Variants in MMADHC observed in about 807,000 individuals in gnomAD.
The protein encoded by MMADHC is metabolism of cobalamin associated D.
Under a neutral mutation model 36.3 loss-of-function variants are expected in MMADHC, and 23 were observed. The ratio of observed to expected loss-of-function variants is 0.63; its 90% CI spans 0.46 to 0.90. The LOEUF (loss-of-function observed/expected upper bound fraction) is 0.90, where lower values mean the gene tolerates loss of function less well. Among genes scored for constraint, MMADHC ranks in the 40% least tolerant of loss-of-function variants. The pLI, the probability that MMADHC is intolerant of heterozygous loss-of-function variation, is 0.00. For missense variants in MMADHC, 330 were observed against 348.0 expected, an observed-to-expected ratio of 0.95 and a Z score of 0.41; for synonymous variants, 97 against 116.1, an observed-to-expected ratio of 0.84 and a Z score of 1.06.
chr2:149,583,360 T>C (rs1265848739), intron 2 of MMADHC, among the ~76,000 whole-genome samples: 1 of 152,064 alleles, frequency 6.6e-6, no homozygotes, highest in African/African-American at 2.4e-5. Flanking sequence ...AATAAAGACA[T>C]ATTTCAAAGA....
intron 2 of MMADHC, among the ~76,000 whole-genome samples, chr2:149,584,907 G>T (rs1682844023): frequency 6.6e-6 from 1 of 151,942 alleles, no homozygotes; most frequent in East Asian, 1.9e-4. Flanking sequence ...GCCGGGCATC[G>T]TGGCAAGTGC....
intron 6 of MMADHC, among the ~76,000 whole-genome samples, chr2:149,574,946 C>T (rs374943311): frequency 4.6e-5 from 7 of 152,184 alleles, no homozygotes; most frequent in East Asian, 1.9e-4. Flanking sequence ...ACTACAGGTG[C>T]GCACCACTAA....
intron 2 of MMADHC, among the ~76,000 whole-genome samples, chr2:149,584,029 T>C (rs1682829341): frequency 6.6e-6 from 1 of 152,140 alleles, no homozygotes; most frequent in South Asian, 2.1e-4. Context: ...AACCTGAAAA[T>C]TTAGGCTGCC....
At chr2:149,578,986 C>CTT (rs1210920381) in intron 4 of MMADHC, among the ~76,000 whole-genome samples, 2,096 of 138,508 alleles carry the variant, frequency 0.015, 27 homozygotes, top group African/African-American at 0.018. Flanking sequence ...AAACTGGTTC[C>CTT]TTTTTTTTTT....
rs56118792 is a variant in MMADHC at position 149,581,953 on chromosome 2, C to CCTTTTT, written c.154+173_154+174insAAAAAG. Among the ~76,000 whole-genome samples the CCTTTTT allele has an allele frequency of 0.67, 102,054 of 151,416 alleles. 37,282 individuals are homozygous for CCTTTTT. The highest frequency in any genetic ancestry group is 0.86 in the East Asian group (4,388 of 5,118). ...TAGAAACCAGTACTTACTCTTTTTT[C>CCTTTTT]AATACTGTAGCTTTCTGACATAAAT... On this transcript the variant is annotated intron_variant, in intron 3 of 7. Coordinates refer to ENST00000303319, the MANE Select transcript of MMADHC (RefSeq NM_015702.3).
In MMADHC at chr2:149,580,037, G is replaced by A. The variant is rs149784592; in HGVS notation, c.155-389C>T. Reference sequence around the variant, plus strand: ...CATTTATTTACATCCCCATATTCACGTATTGTTTTGTTTTTGAGACGGGTC... The same window carrying A: ...CATTTATTTACATCCCCATATTCACATATTGTTTTGTTTTTGAGACGGGTC... On this transcript the variant is annotated intron_variant, in intron 3 of 7. Transcript: ENST00000303319. 1.8e-4 allele frequency among the ~76,000 whole-genome samples: 28 copies of A among 152,278 alleles called. No homozygotes were observed. In the East Asian group the frequency reaches 2.9e-3, roughly 16 times the overall value.
intron 2 of MMADHC, among the ~76,000 whole-genome samples, chr2:149,582,907 AAAGT>A (rs1257554478): frequency 6.6e-6 from 1 of 152,188 alleles, no homozygotes; most frequent in East Asian, 1.9e-4. Flanking sequence ...ATTTTTTAAC[AAAGT>A]ACTTGGGTCA....
intron 2 of MMADHC, among the ~76,000 whole-genome samples, chr2:149,584,606 A>C (rs1466080145): frequency 6.6e-6 from 1 of 152,244 alleles, no homozygotes; most frequent in Non-Finnish European, 1.5e-5. Flanking sequence ...GTTATATAAT[A>C]AAATATGAGT....
intron 2 of MMADHC, among the ~76,000 whole-genome samples, chr2:149,586,590 A>C (rs1052182571): frequency 2.6e-5 from 4 of 152,214 alleles, no homozygotes; most frequent in Non-Finnish European, 5.9e-5. Context: ...ATGTCTTATG[A>C]CCGCTACATA....
At position 149,570,033 on chromosome 2, in the gene MMADHC, T is replaced by A. The variant is rs1182520615; in HGVS notation, c.832A>T (p.Ser278Cys). 1 of 1,613,736 alleles carries A rather than the reference T, an allele frequency of 6.2e-7. No homozygotes were observed. Among genetic ancestry groups the A allele is most frequent in the Non-Finnish European group, 8.5e-7 (1 of 1,179,730 alleles). ...TCTGGTGTTGCATTAGTGAAGATAC[T>A]CCCTACAACTACATGGGTACCCCAG... ...SLWGTHVVVG[S>C]IFTNATPDSH... Residue 278 changes from serine to cysteine, a missense_variant, in exon 8 of 8, where the codon AGT becomes TGT. Coordinates refer to ENST00000303319, the MANE Select transcript of MMADHC (RefSeq NM_015702.3).
At chr2:149,586,853 C>T in intron 2 of MMADHC, 1 of 506,874 alleles carries the variant, frequency 2.0e-6, no homozygotes, top group Non-Finnish European at 3.5e-6. Flanking sequence ...CGAAAGGGTG[C>T]TTGAATTTCC....
intron 6 of MMADHC, chr2:149,572,349 C>G (rs770939445): frequency 6.2e-6 from 1 of 161,026 alleles, no homozygotes; most frequent in Non-Finnish European, 1.2e-5. Flanking sequence ...AAAAAAAAAT[C>G]AAGGGCACAG....
intron 6 of MMADHC, among the ~76,000 whole-genome samples, chr2:149,574,435 A>G (rs1682685871): frequency 6.6e-6 from 1 of 152,236 alleles, no homozygotes; most frequent in African/African-American, 2.4e-5. Flanking sequence ...ATTACAATAT[A>G]CTTTTACAAA....
rs750134960 is a variant in MMADHC at position 149,576,452 on chromosome 2, C to G, written c.463G>C (p.Glu155Gln). 3 of 1,610,516 alleles carry G rather than the reference C, an allele frequency of 1.9e-6. No homozygotes were observed. The Admixed American group carries it at 5.0e-5, about 27-fold the overall frequency. ...RVECAIQTCP[E>Q]LLRKDFESLF... ...CATGACATACCTTTTCGCAGCAATT[C>G]TGGACATGTCTGTATTGCACACTCT... The change falls in exon 5 of 8, where the codon GAA becomes CAA. Residue 155 changes from glutamate to glutamine, a missense_variant. Coordinates refer to ENST00000303319, the MANE Select transcript of MMADHC (RefSeq NM_015702.3).
At chr2:149,585,779 A>T (rs1387235825) in intron 2 of MMADHC, among the ~76,000 whole-genome samples, 1 of 152,238 alleles carries the variant, frequency 6.6e-6, no homozygotes, top group Non-Finnish European at 1.5e-5. Flanking sequence ...TCCACAATTT[A>T]CAATCCATAT....
chr2:149,586,383 T>G (rs562903974), intron 2 of MMADHC, among the ~76,000 whole-genome samples: 1 of 152,158 alleles, frequency 6.6e-6, no homozygotes, highest in African/African-American at 2.4e-5. Context: ...GGGAGTTCTT[T>G]GAATATACCT....
chr2:149,573,987 A>C (rs1486748148), intron 6 of MMADHC, among the ~76,000 whole-genome samples: 1 of 152,184 alleles, frequency 6.6e-6, no homozygotes, highest in Non-Finnish European at 1.5e-5. Context: ...TTACTTGGAG[A>C]GCTAGGTGTG....
At chr2:149,580,809 C>T (rs1007542456) in intron 3 of MMADHC, among the ~76,000 whole-genome samples, 1 of 152,140 alleles carries the variant, frequency 6.6e-6, no homozygotes, top group Non-Finnish European at 1.5e-5. Context: ...CACTCTAGTC[C>T]AGTGCCCCTC....
intron 3 of MMADHC, among the ~76,000 whole-genome samples, chr2:149,580,339 T>C (rs1167242499): frequency 6.6e-6 from 1 of 152,124 alleles, no homozygotes; most frequent in African/African-American, 2.4e-5. Flanking sequence ...GCTGCTGTTA[T>C]CTGGTGGCAC....
Sources: gnomAD v4.1 joint callset for allele counts (sites outside exome capture counted in the v4.1 genomes callset) on GRCh38, gnomAD v4.1.1 for gene constraint, MANE v1.5 for transcripts, NCBI Gene and HGNC (gene_info 2026-07-23, HGNC 2026-07-21) for gene names.